Variants in CAMTA1 observed in about 807,000 individuals in gnomAD.
The protein encoded by CAMTA1 is calmodulin binding transcription activator 1.
A neutral mutation model predicts 170.9 loss-of-function variants in CAMTA1; 27 were observed. The observed-to-expected ratio is 0.16, with a 90% CI of 0.12 to 0.22. CAMTA1 has a LOEUF of 0.22. Among genes scored for constraint, CAMTA1 ranks in the 10% least tolerant of loss-of-function variants. The probability of loss-of-function intolerance (pLI) is 1.00; values close to 1 mark genes in which losing one functional copy is unlikely to be tolerated. For synonymous variants in CAMTA1, 833 were observed against 891.5 expected, an observed-to-expected ratio of 0.93 and a Z score of 1.17; for missense variants, 1,619 against 2,217.2, an observed-to-expected ratio of 0.73 and a Z score of 5.42.
chr1:7,532,999 A>G lies in CAMTA1; in HGVS notation c.510+65098A>G, dbSNP rs565954397. On this transcript the variant is annotated intron_variant, in intron 6 of 22. Transcript: ENST00000303635. This position sits in a 1 kb window ranked among gnomAD's most constrained non-coding sequence, Gnocchi z 4.2. Reference sequence around the variant, plus strand: ...GGCCCAGGTGGGAGTTGAGGGTCCCAATAATTAGTACGTTGTTTTCCCTGC... The same window carrying G: ...GGCCCAGGTGGGAGTTGAGGGTCCCGATAATTAGTACGTTGTTTTCCCTGC... Among the ~76,000 whole-genome samples the G allele has an allele frequency of 6.6e-6, 1 of 152,184 alleles. No individual in the cohort carries two copies. Among genetic ancestry groups the G allele is most frequent in the Admixed American group, 6.5e-5 (1 of 15,278 alleles).
At chr1:7,477,556 G>A (rs1463172542) in intron 6 of CAMTA1, among the ~76,000 whole-genome samples, 9 of 152,288 alleles carry the variant, frequency 5.9e-5, no homozygotes, top group Admixed American at 5.9e-4. Context: ...ACGATGCCAA[G>A]GCCACTGCTG....
rs1250419183 is a variant in CAMTA1 at position 7,642,254 on chromosome 1, C to T, written c.664+1701C>T. ...CACCGGGAAGCATGGGGAAATGGCA[C>T]AGCTGCCCTTGGGAAGCCCTCCGGC... On this transcript the variant is annotated intron_variant, in intron 7 of 22. Transcript: ENST00000303635. The surrounding 1 kb of genome is among the most constrained non-coding windows in gnomAD (Gnocchi z 6.3). Among the ~76,000 whole-genome samples the T allele has an allele frequency of 2.0e-5, 3 of 152,226 alleles. No homozygotes were observed. Among genetic ancestry groups the T allele is most frequent in the African/African-American group, 7.2e-5 (3 of 41,464 alleles).
rs1673440594 is a variant in CAMTA1 at position 7,293,371 on chromosome 1, C to A, written c.438+43745C>A. Among the ~76,000 whole-genome samples the A allele has an allele frequency of 6.6e-6, 1 of 152,128 alleles. No individual in the cohort carries two copies. Among genetic ancestry groups the A allele is most frequent in the African/African-American group, 2.4e-5 (1 of 41,426 alleles). On this transcript the variant is annotated intron_variant, in intron 5 of 22. Coordinates refer to ENST00000303635, the MANE Select transcript of CAMTA1 (RefSeq NM_015215.4). This position sits in a 1 kb window ranked among gnomAD's most constrained non-coding sequence, Gnocchi z 4.1. The stretch of plus-strand genomic sequence containing the variant: ...CACCTGGACACTGTTTCAGGGCTGG[C>A]ATTTCTCTGGCACTCGGTGTGAGCA...
intron 5 of CAMTA1, among the ~76,000 whole-genome samples, chr1:7,377,298 G>T (rs1049002007): frequency 6.6e-6 from 1 of 152,238 alleles, no homozygotes; most frequent in Non-Finnish European, 1.5e-5. Context: ...AAATGTGTAA[G>T]AGCAGCAGTG....
intron 6 of CAMTA1, among the ~76,000 whole-genome samples, chr1:7,607,864 G>A (rs754079217): frequency 6.6e-6 from 1 of 152,170 alleles, no homozygotes; most frequent in Non-Finnish European, 1.5e-5. Context: ...GGCTAAGAAA[G>A]AACTTTCTAC....
intron 4 of CAMTA1, among the ~76,000 whole-genome samples, chr1:7,231,531 C>T (rs905826784): frequency 1.3e-5 from 2 of 152,104 alleles, no homozygotes; most frequent in African/African-American, 2.4e-5. Context: ...AACCACCATG[C>T]CTGGCTAATT....
chr1:7,266,555 C>T (rs998164496), intron 5 of CAMTA1, among the ~76,000 whole-genome samples: 1 of 152,226 alleles, frequency 6.6e-6, no homozygotes, highest in Non-Finnish European at 1.5e-5. Flanking sequence ...AGGTTCTTCA[C>T]CCTCTCGAAG....
intron 3 of CAMTA1, among the ~76,000 whole-genome samples, chr1:6,998,780 T>C (rs1265069786): frequency 6.6e-6 from 1 of 152,270 alleles, no homozygotes; most frequent in Non-Finnish European, 1.5e-5. Flanking sequence ...ACTGTAGTTT[T>C]ATTTTACCTA....
Position 7,621,732 on chromosome 1 carries a change from G to A in CAMTA1, c.511-18668G>A, listed in dbSNP as rs74457845. ...GTGCTCGCCCTTCTGGAAGTTTCCTGGAAGAGGGATGGAGACGTCTGTGCA... is the reference window on the plus strand; with the variant it reads ...GTGCTCGCCCTTCTGGAAGTTTCCTAGAAGAGGGATGGAGACGTCTGTGCA... On this transcript the variant is annotated intron_variant, in intron 6 of 22. Coordinates refer to ENST00000303635, the MANE Select transcript of CAMTA1 (RefSeq NM_015215.4). Among the ~76,000 whole-genome samples the A allele has an allele frequency of 7.6e-3, 1,157 of 152,338 alleles. 13 individuals carry two copies. Among genetic ancestry groups the A allele is most frequent in the African/African-American group, 0.027 (1,103 of 41,574 alleles).
chr1:6,841,788 G>A (rs1167222316), intron 3 of CAMTA1, among the ~76,000 whole-genome samples: 4 of 152,134 alleles, frequency 2.6e-5, no homozygotes, highest in Non-Finnish European at 5.9e-5. Context: ...TAGGGATGGG[G>A]ACATATGAAA....
chr1:7,115,891 A>T (rs1045141103), intron 4 of CAMTA1, among the ~76,000 whole-genome samples: 3 of 152,190 alleles, frequency 2.0e-5, no homozygotes, highest in Non-Finnish European at 4.4e-5. Flanking sequence ...TCTCCAGCTG[A>T]TTGGATGGGC....
rs1679131320 is a variant in CAMTA1, at chr1:7,325,405, A to G, written c.438+75779A>G. On this transcript the variant is annotated intron_variant, in intron 5 of 22. Transcript: ENST00000303635. The surrounding 1 kb of genome is among the most constrained non-coding windows in gnomAD (Gnocchi z 5.0). The stretch of plus-strand genomic sequence containing the variant: ...AAGCCATGTCTGCCTGGGAGGGGAA[A>G]CACTGAGGTGGAGGGACAGCCAGTA... Among the ~76,000 whole-genome samples, 1 of 152,154 alleles carries G rather than the reference A, an allele frequency of 6.6e-6. No homozygotes were observed. Among genetic ancestry groups the G allele is most frequent in the African/African-American group, 2.4e-5 (1 of 41,430 alleles).
intron 5 of CAMTA1, among the ~76,000 whole-genome samples, chr1:7,276,667 A>G (rs1670778056): frequency 6.6e-6 from 1 of 152,070 alleles, no homozygotes; most frequent in African/African-American, 2.4e-5. Context: ...GAAATCATCA[A>G]TGTGTCCACT....
At chr1:6,853,933 CAAAG>C (rs945769868) in intron 3 of CAMTA1, among the ~76,000 whole-genome samples, 11 of 152,154 alleles carry the variant, frequency 7.2e-5, no homozygotes, top group South Asian at 2.1e-4. Flanking sequence ...ACAAAAATGA[CAAAG>C]AACAGACAAA....
intron 5 of CAMTA1, among the ~76,000 whole-genome samples, chr1:7,375,153 T>C (rs2086750183): frequency 6.6e-6 from 1 of 152,176 alleles, no homozygotes; most frequent in Non-Finnish European, 1.5e-5. Flanking sequence ...GAGCTACTTT[T>C]TCCTAGAAGG....
At position 7,272,083 on chromosome 1, in the gene CAMTA1, T is replaced by A. The variant is rs111292291; in HGVS notation, c.438+22457T>A. The stretch of plus-strand genomic sequence containing the variant: ...AAGAGGAGGGAACATTTCAATTATA[T>A]CTATATACATGAGCAATAAACAATT... On this transcript the variant is annotated intron_variant, in intron 5 of 22. Coordinates refer to ENST00000303635, the MANE Select transcript of CAMTA1 (RefSeq NM_015215.4). Among the ~76,000 whole-genome samples, 1,398 of 152,212 alleles carry A rather than the reference T, an allele frequency of 9.2e-3. 24 individuals carry two copies. The highest frequency in any genetic ancestry group is 0.032 in the African/African-American group (1,328 of 41,552).
Position 7,044,339 on chromosome 1 carries a change from C to T in CAMTA1, c.235-46965C>T, listed in dbSNP as rs1325032256. Among the ~76,000 whole-genome samples the T allele has an allele frequency of 2.0e-5, 3 of 151,654 alleles. No homozygotes were observed. The highest frequency in any genetic ancestry group is 1.9e-4 in the East Asian group (1 of 5,142). On this transcript the variant is annotated intron_variant, in intron 3 of 22. Coordinates refer to ENST00000303635, the MANE Select transcript of CAMTA1 (RefSeq NM_015215.4). This position sits in a 1 kb window ranked among gnomAD's most constrained non-coding sequence, Gnocchi z 5.0. ...CGCAGAGCAGTGCCGCTGGGGACCCCGGGGACTCAGAGCAGTGCCGCTGGG... is the reference window on the plus strand; with the variant it reads ...CGCAGAGCAGTGCCGCTGGGGACCCTGGGGACTCAGAGCAGTGCCGCTGGG...
chr1:6,839,111 G>A (rs138376067), intron 3 of CAMTA1, among the ~76,000 whole-genome samples: 18,445 of 151,928 alleles, frequency 0.12, 1,654 homozygotes, highest in Admixed American at 0.28. Context: ...GGCTGGGTAT[G>A]GTGGCTCACG....
At chr1:7,136,225 G>A (rs894292750) in intron 4 of CAMTA1, among the ~76,000 whole-genome samples, 1 of 152,098 alleles carries the variant, frequency 6.6e-6, no homozygotes, top group Non-Finnish European at 1.5e-5. Context: ...TTATTTCTCT[G>A]GGGGAATGGA....
Sources: gnomAD v4.1 joint callset for allele counts (sites outside exome capture counted in the v4.1 genomes callset) on GRCh38, gnomAD v4.1.1 for gene constraint, Gnocchi (gnomAD v3.1) non-coding constraint, MANE v1.5 for transcripts, NCBI Gene and HGNC (gene_info 2026-07-23, HGNC 2026-07-21) for gene names.